The following LHPP variants were observed in gnomAD, a reference collection of about 807,000 sequenced individuals.
LHPP encodes the protein hLHPP.
Under a neutral mutation model 30.3 loss-of-function variants are expected in LHPP, and 24 were observed. The observed-to-expected ratio is 0.79, with a 90% confidence interval of 0.57 to 1.11. The LOEUF (loss-of-function observed/expected upper bound fraction) is 1.11. LHPP is among the 50% of genes most tolerant of loss of function. The probability of loss-of-function intolerance (pLI) is 0.00; values close to 1 mark genes in which losing one functional copy is unlikely to be tolerated. For synonymous variants in LHPP, 150 were observed against 157.1 expected, an observed-to-expected ratio of 0.95 and a Z score of 0.34; for missense variants, 356 against 367.2, an observed-to-expected ratio of 0.97 and a Z score of 0.25.
intron 4 of LHPP, among the ~76,000 whole-genome samples, chr10:124,497,338 T>C (rs1211995758): frequency 6.9e-6 from 1 of 145,240 alleles, no homozygotes. Context: ...ACCCTGCCGC[T>C]CTCCCAGCTG....
At chr10:124,470,574 C>A (rs577732785) in intron 1 of LHPP, among the ~76,000 whole-genome samples, 83 of 152,104 alleles carry the variant, frequency 5.5e-4, no homozygotes, top group African/African-American at 2.0e-3. Context: ...ACCCCAGTAT[C>A]CCCTCCTTCA....
chr10:124,589,356 CCT>C (rs1415933144), intron 6 of LHPP, among the ~76,000 whole-genome samples: 2 of 152,232 alleles, frequency 1.3e-5, no homozygotes, highest in Non-Finnish European at 2.9e-5. Context: ...TGGATGGAGC[CCT>C]GTTATCATTC....
intron 6 of LHPP, among the ~76,000 whole-genome samples, chr10:124,588,445 G>A (rs959532165): frequency 6.6e-6 from 1 of 152,012 alleles, no homozygotes; most frequent in Non-Finnish European, 1.5e-5. Context: ...CACCATGCCC[G>A]GCTAATTTTT....
At chr10:124,550,999 G>A (rs530500502) in intron 6 of LHPP, among the ~76,000 whole-genome samples, 37 of 152,276 alleles carry the variant, frequency 2.4e-4, no homozygotes, top group African/African-American at 6.5e-4. Context: ...TAACCTTGCC[G>A]TCCTGGGCCA....
At chr10:124,599,440 A>G (rs1433702007) in intron 6 of LHPP, among the ~76,000 whole-genome samples, 1 of 152,352 alleles carries the variant, frequency 6.6e-6, no homozygotes, top group South Asian at 2.1e-4. Flanking sequence ...AAGGTCACAC[A>G]GAGCTCAGGG....
chr10:124,470,882 G>A (rs995170119), intron 1 of LHPP, among the ~76,000 whole-genome samples: 5 of 125,270 alleles, frequency 4.0e-5, no homozygotes, highest in Admixed American at 8.4e-5. Flanking sequence ...TGTCGAGAAC[G>A]TGCTGTCGTC....
chr10:124,555,943 G>T (rs1948291162), intron 6 of LHPP, among the ~76,000 whole-genome samples: 3 of 152,138 alleles, frequency 2.0e-5, no homozygotes, highest in African/African-American at 7.2e-5. Flanking sequence ...AGGTCACACA[G>T]CTGGGACGTA....
rs560481376 is a variant in LHPP at position 124,501,576 on chromosome 10, TGGGCGACA to T, written c.624+3450_624+3457del. Among the ~76,000 whole-genome samples, 1,168 of 140,880 alleles carry T rather than the reference TGGGCGACA, an allele frequency of 8.3e-3. 26 individuals are homozygous for T. The highest frequency in any genetic ancestry group is 0.031 in the African/African-American group (1,131 of 36,490). 92.4% of individuals were successfully genotyped at this position (140,880 alleles called of 152,430 possible). On this transcript the variant is annotated intron_variant, in intron 5 of 6. Transcript: ENST00000368842. Reference sequence around the variant, plus strand: ...GAGATCGTGCAACTGTGCTCCAGCCTGGGCGACAGAGCCAGACTCTGTCTTAAAAAAAA... The same window carrying T: ...GAGATCGTGCAACTGTGCTCCAGCCTGAGCCAGACTCTGTCTTAAAAAAAA...
At chr10:124,474,780 T>C (rs1199115549) in intron 1 of LHPP, among the ~76,000 whole-genome samples, 3 of 152,180 alleles carry the variant, frequency 2.0e-5, no homozygotes, top group African/African-American at 4.8e-5. Flanking sequence ...CGGGCGCTGC[T>C]GTAGCCACTG....
chr10:124,492,225 C>G (rs1217883755), intron 3 of LHPP, among the ~76,000 whole-genome samples: 2 of 152,126 alleles, frequency 1.3e-5, no homozygotes, highest in Non-Finnish European at 2.9e-5. Flanking sequence ...CACGCTGTGT[C>G]TCTATCAAAA....
chr10:124,469,542 C>A (rs1952667528), intron 1 of LHPP, among the ~76,000 whole-genome samples: 2 of 151,894 alleles, frequency 1.3e-5, no homozygotes, highest in Non-Finnish European at 1.5e-5. Flanking sequence ...AAGTGAGGAC[C>A]AAAAATCGGA....
chr10:124,470,366 A>G (rs35837053), intron 1 of LHPP, among the ~76,000 whole-genome samples: 31,990 of 149,688 alleles, frequency 0.21, 4,260 homozygotes, highest in Middle Eastern at 0.3. Flanking sequence ...TCATAAAGCA[A>G]TTCCCACCCA....
Position 124,538,716 on chromosome 10 carries a change from G to C in LHPP, c.716+21445G>C, listed in dbSNP as rs183422224. ...AGACTCGCATGCCTGGGAGAATCCT[G>C]GGAATTAACTAGCTCCTTCTCTCCC... On this transcript the variant is annotated intron_variant, in intron 6 of 6. Coordinates refer to ENST00000368842, the MANE Select transcript of LHPP (RefSeq NM_022126.4). 7.6e-4 allele frequency among the ~76,000 whole-genome samples: 116 copies of C among 152,328 alleles called. 1 individual carries two copies. The highest frequency in any genetic ancestry group is 2.7e-3 in the African/African-American group (111 of 41,568).
intron 6 of LHPP, among the ~76,000 whole-genome samples, chr10:124,530,331 G>T (rs1954862731): frequency 6.6e-6 from 1 of 152,110 alleles, no homozygotes; most frequent in African/African-American, 2.4e-5. Flanking sequence ...GCCAGGGATG[G>T]GACAGGCCGG....
intron 1 of LHPP, among the ~76,000 whole-genome samples, chr10:124,472,470 T>G (rs577319401): frequency 2.6e-4 from 40 of 152,224 alleles, no homozygotes; most frequent in Admixed American, 9.2e-4. Context: ...AAAGAATGAC[T>G]TCGCTCTGTT....
At position 124,576,952 on chromosome 10, in the gene LHPP, C is replaced by T. The variant is rs537340766; in HGVS notation, c.717-36312C>T. On this transcript the variant is annotated intron_variant, in intron 6 of 6. Coordinates refer to ENST00000368842, the MANE Select transcript of LHPP (RefSeq NM_022126.4). This position sits in a 1 kb window ranked among gnomAD's most constrained non-coding sequence, Gnocchi z 4.2. Reference sequence around the variant, plus strand: ...TCCTGAGTGCACAGGTACATTGCTCCGCCCTCTCAACAGCCACGACCCAGA... The same window carrying T: ...TCCTGAGTGCACAGGTACATTGCTCTGCCCTCTCAACAGCCACGACCCAGA... Among the ~76,000 whole-genome samples the T allele has an allele frequency of 5.9e-5, 9 of 152,284 alleles. No homozygotes were observed. Among genetic ancestry groups the T allele is most frequent in the East Asian group, 5.8e-4 (3 of 5,184 alleles).
intron 6 of LHPP, among the ~76,000 whole-genome samples, chr10:124,578,225 C>T (rs1221676700): frequency 6.6e-6 from 1 of 152,230 alleles, no homozygotes; most frequent in Non-Finnish European, 1.5e-5. Context: ...CTTCCCAGGG[C>T]ATTTGCAAGG....
At chr10:124,565,594 A>G (rs1285756965) in intron 6 of LHPP, among the ~76,000 whole-genome samples, 1 of 152,200 alleles carries the variant, frequency 6.6e-6, no homozygotes, top group Non-Finnish European at 1.5e-5. Context: ...ACTGGGGAGG[A>G]CATTGTTCAG....
intron 3 of LHPP, chr10:124,493,960 A>G (rs899516031): frequency 9.2e-5 from 14 of 152,230 alleles, no homozygotes; most frequent in Non-Finnish European, 2.1e-4. Context: ...AATAAGGAAT[A>G]AAGAAAAATT....
Sources: gnomAD v4.1 joint callset for allele counts (sites outside exome capture counted in the v4.1 genomes callset) on GRCh38, gnomAD v4.1.1 for gene constraint, Gnocchi (gnomAD v3.1) non-coding constraint, MANE v1.5 for transcripts, NCBI Gene and HGNC (gene_info 2026-07-23, HGNC 2026-07-21) for gene names.